POLD3: variants seen among roughly 807,000 people sequenced by gnomAD.
POLD3 encodes DNA polymerase delta subunit 3.
POLD3 carries 19 observed loss-of-function variants against 58.2 expected under a neutral mutation model. That is an observed-to-expected ratio of 0.33 (90% CI 0.23 to 0.48). The LOEUF (loss-of-function observed/expected upper bound fraction) is 0.48, where lower values mean the gene tolerates loss of function less well. Among genes scored for constraint, POLD3 ranks in the 20% least tolerant of loss-of-function variants. The pLI, the probability that POLD3 is intolerant of heterozygous loss-of-function variation, is 0.99. For missense variants in POLD3, 504 were observed against 545.5 expected, an observed-to-expected ratio of 0.92 and a Z score of 0.76; for synonymous variants, 172 against 193.5, an observed-to-expected ratio of 0.89 and a Z score of 0.92.
intron 7 of POLD3, among the ~76,000 whole-genome samples, chr11:74,620,653 T>TA (rs1430335180): frequency 6.6e-6 from 1 of 152,234 alleles, no homozygotes; most frequent in Non-Finnish European, 1.5e-5. Flanking sequence ...TTTAAAAAGA[T>TA]ACTTAAGTAA....
chr11:74,650,845 C>T (rs1379767584), intron 4 of POLD3, among the ~76,000 whole-genome samples: 4 of 152,156 alleles, frequency 2.6e-5, no homozygotes, highest in African/African-American at 7.2e-5. Flanking sequence ...AGTCAGCTGC[C>T]GCTTCTGATG....
chr11:74,635,790 T>A (rs1393232893), intron 10 of POLD3, among the ~76,000 whole-genome samples: 5 of 152,220 alleles, frequency 3.3e-5, no homozygotes, highest in Non-Finnish European at 5.9e-5. Flanking sequence ...TTAGGGGCCA[T>A]CCCTGTGTAC....
intron 4 of POLD3, among the ~76,000 whole-genome samples, chr11:74,651,347 A>G (rs369724406): frequency 6.6e-6 from 1 of 152,318 alleles, no homozygotes; most frequent in African/African-American, 2.4e-5. Flanking sequence ...TTAGTTCTCT[A>G]TCCCTGATGC....
chr11:74,618,361 T>G (rs2032143433), intron 5 of POLD3, among the ~76,000 whole-genome samples, 176 bp from the exon 6 acceptor site: 1 of 152,210 alleles, frequency 6.6e-6, no homozygotes. Context: ...AATAGAGAGT[T>G]TCATACATTT....
Position 74,642,395 on chromosome 11 carries a change from C to T in POLD3, c.*1629C>T. The T allele has an allele frequency of 7.1e-6, 7 of 984,746 alleles. No individual in the cohort carries two copies. The highest frequency in any genetic ancestry group is 8.4e-6 in the Non-Finnish European group (7 of 829,336). The allele number at this position is 984,746 out of a possible 1,614,324, so 61.0% of individuals were successfully genotyped here. On this transcript the variant is annotated 3_prime_UTR_variant, in exon 12 of 12. Coordinates refer to ENST00000263681, the MANE Select transcript of POLD3 (RefSeq NM_006591.3). ...TTAGAAAAAACTTCTGGAGAGAAAT[C>T]CCTTTTAAACAGTTACTTTTGTCAT... is the stretch of plus-strand genomic sequence containing the variant.
Position 74,625,551 on chromosome 11 carries a change from G to C in POLD3, c.877G>C (p.Val293Leu). The C allele has an allele frequency of 1.2e-6, 2 of 1,604,882 alleles. No individual in the cohort carries two copies. The highest frequency in any genetic ancestry group is 1.1e-5 in the South Asian group (1 of 88,962). ...KSSKKAEPVK[V>L]LQKEKKRGKR... is the part of the protein sequence containing the mutation. ...CAGCAAAAAAGCAGAGCCTGTTAAG[G>C]TGCTGCAGAAGGAAAAAAAAAGGTA... The change falls in exon 8 of 12, where the codon GTG (valine) becomes CTG (leucine). Residue 293 changes from valine to leucine, a missense_variant. Val to Leu is a conservative substitution (Grantham distance 32). Around this residue, in one of 2 missense-constraint regions of POLD3, gnomAD observed 385 missense variants for 370.5 expected, o/e 1.04. Transcript: ENST00000263681.
chr11:74,668,661 G>A (rs2033300985), intron 4 of POLD3: 4 of 617,346 alleles, frequency 6.5e-6, no homozygotes, highest in South Asian at 6.2e-5. Context: ...AGTAAGGGGT[G>A]GGTGGGAACA....
In POLD3 at chr11:74,642,405, C is replaced by G; in HGVS notation, c.*1639C>G. On this transcript the variant is annotated 3_prime_UTR_variant, in exon 12 of 12. Coordinates refer to ENST00000263681, the MANE Select transcript of POLD3 (RefSeq NM_006591.3). ...CTTCTGGAGAGAAATCCCTTTTAAACAGTTACTTTTGTCATTGCCTCTGGT... is the reference window on the plus strand; with the variant it reads ...CTTCTGGAGAGAAATCCCTTTTAAAGAGTTACTTTTGTCATTGCCTCTGGT... 1 of 984,936 alleles carries G rather than the reference C, an allele frequency of 1.0e-6. No individual in the cohort carries two copies. Among genetic ancestry groups the G allele is most frequent in the Non-Finnish European group, 1.2e-6 (1 of 829,494 alleles). The allele number at this position is 984,936 out of a possible 1,614,324, so 61.0% of individuals were successfully genotyped here.
chr11:74,656,840 A>G (rs1321882732), intron 4 of POLD3, among the ~76,000 whole-genome samples: 2 of 151,836 alleles, frequency 1.3e-5, no homozygotes, highest in Non-Finnish European at 2.9e-5. Flanking sequence ...AAGAATATGT[A>G]TTCTGGAGCC....
chr11:74,621,239 C>G (rs1247630910), intron 7 of POLD3, among the ~76,000 whole-genome samples: 1 of 152,088 alleles, frequency 6.6e-6, no homozygotes, highest in Admixed American at 6.6e-5. Flanking sequence ...GTTATTATGC[C>G]TGAACTCCAC....
rs989104168 is a variant in POLD3 at position 74,641,114 on chromosome 11, C to T, written c.*348C>T. 7.0e-6 allele frequency: 7 copies of T among 1,004,228 alleles called. No homozygotes were observed. The highest frequency in any genetic ancestry group is 1.0e-4 in the East Asian group (1 of 10,038). The allele number at this position is 1,004,228 out of a possible 1,614,324, so 62.2% of individuals were successfully genotyped here. A position where few individuals can be genotyped will look rare whatever the true frequency, so the allele number is the denominator to read the frequency against. On this transcript the variant is annotated 3_prime_UTR_variant, in exon 12 of 12. Transcript: ENST00000263681. ...GCTCCACTCACCCTATGCCCTGGTC[C>T]GCATATGGCACAGGAATTATTCCTT...
At chr11:74,650,846 G>A (rs1227760976) in intron 4 of POLD3, among the ~76,000 whole-genome samples, 2 of 152,156 alleles carry the variant, frequency 1.3e-5, no homozygotes, top group East Asian at 1.9e-4. Flanking sequence ...GTCAGCTGCC[G>A]CTTCTGATGA....
intron 3 of POLD3, among the ~76,000 whole-genome samples, chr11:74,607,056 G>A (rs900341127): frequency 1.8e-4 from 28 of 152,030 alleles, no homozygotes; most frequent in African/African-American, 6.3e-4. Flanking sequence ...CTGACCAAAT[G>A]TGGATGCTTA....
intron 6 of POLD3, 84 bp downstream of exon 6, chr11:74,618,888 T>C: frequency 8.8e-7 from 1 of 1,141,854 alleles, no homozygotes; most frequent in South Asian, 1.6e-5. Flanking sequence ...GGTAGTAGTT[T>C]ATTTATATAA....
chr11:74,614,762 G>T (rs960490664), intron 5 of POLD3, among the ~76,000 whole-genome samples: 1 of 152,040 alleles, frequency 6.6e-6, no homozygotes, highest in Non-Finnish European at 1.5e-5. Context: ...GTGTGTGGGG[G>T]TAGGGGATGG....
At chr11:74,613,359 T>C (rs1449207339) in intron 5 of POLD3, among the ~76,000 whole-genome samples, 1 of 151,982 alleles carries the variant, frequency 6.6e-6, no homozygotes, top group Admixed American at 6.6e-5. Context: ...AAAAAAACAG[T>C]TCCTAATTTG....
intron 5 of POLD3, among the ~76,000 whole-genome samples, chr11:74,614,357 T>C (rs1209465243): frequency 6.6e-6 from 1 of 152,162 alleles, no homozygotes; most frequent in Non-Finnish European, 1.5e-5. Flanking sequence ...AGTTTTCTAA[T>C]GTGAAGTTGT....
intron 3 of POLD3, among the ~76,000 whole-genome samples, chr11:74,610,378 T>A (rs990474355): frequency 6.6e-6 from 1 of 151,996 alleles, no homozygotes; most frequent in African/African-American, 2.4e-5. Flanking sequence ...GCCCAGCTAA[T>A]GTTTGTATTT....
intron 4 of POLD3, among the ~76,000 whole-genome samples, chr11:74,658,713 T>C (rs1304357942): frequency 6.6e-6 from 1 of 152,210 alleles, no homozygotes; most frequent in Non-Finnish European, 1.5e-5. Context: ...ATTTTAAAGC[T>C]ACAAAATGAT....
Sources: gnomAD v4.1 joint callset for allele counts (sites outside exome capture counted in the v4.1 genomes callset) on GRCh38, gnomAD v4.1.1 for gene constraint, gnomAD v4.1.1 regional missense constraint, MANE v1.5 for transcripts, NCBI Gene and HGNC (gene_info 2026-07-23, HGNC 2026-07-21) for gene names.